Variants in POLE4 observed in about 807,000 individuals in gnomAD.
POLE4 encodes the protein DNA polymerase epsilon 4, accessory subunit.
Under a neutral mutation model 15.6 loss-of-function variants are expected in POLE4, and 15 were observed. The ratio of observed to expected loss-of-function variants is 0.96; its 90% CI spans 0.64 to 1.48. POLE4 has a LOEUF of 1.48. POLE4 is among the 40% of genes most tolerant of loss of function. The pLI, the probability that POLE4 is intolerant of heterozygous loss-of-function variation, is 0.00. For missense variants in POLE4, 205 were observed against 151.9 expected, an observed-to-expected ratio of 1.35 and a Z score of -1.84; for synonymous variants, 83 against 63.2, an observed-to-expected ratio of 1.31 and a Z score of -1.49.
At chr2:74,964,873 A>G (rs189644470) in intron 3 of POLE4, among the ~76,000 whole-genome samples, 368 of 152,130 alleles carry the variant, frequency 2.4e-3, no homozygotes, top group Non-Finnish European at 4.0e-3. Context: ...TAGAATCTCT[A>G]GTACAGTGTT....
chr2:74,958,705 G>A lies in POLE4; in HGVS notation c.26G>A (p.Ser9Asn), dbSNP rs769194941. The A allele has an allele frequency of 4.1e-6, 6 of 1,480,064 alleles. No homozygotes were observed. In the African/African-American group the frequency reaches 6.0e-5, roughly 15 times the overall value. The allele number at this position is 1,480,064 out of a possible 1,614,324, so 91.7% of individuals were successfully genotyped here. A position where few individuals can be genotyped will look rare whatever the true frequency, so the allele number is the denominator to read the frequency against. MAAAAAAG[S>N]GTPREEEGPA... is the part of the protein sequence containing the mutation. Reference sequence around the variant, plus strand: ...ATGGCGGCGGCGGCGGCGGCAGGAAGCGGGACGCCCCGAGAGGAGGAGGGA... The same window carrying A: ...ATGGCGGCGGCGGCGGCGGCAGGAAACGGGACGCCCCGAGAGGAGGAGGGA... The change falls in exon 1 of 4, where the codon AGC (serine) becomes AAC (asparagine). Residue 9 changes from serine (S) to asparagine (N), a missense_variant. Transcript: ENST00000483063.
chr2:74,962,152 C>A (rs913776385), intron 3 of POLE4, among the ~76,000 whole-genome samples: 1 of 152,160 alleles, frequency 6.6e-6, no homozygotes, highest in South Asian at 2.1e-4. Context: ...CCCCATAAAT[C>A]CCCTGCTGTC....
At chr2:74,967,049 G>A (rs912261097) in intron 3 of POLE4, among the ~76,000 whole-genome samples, 2 of 152,050 alleles carry the variant, frequency 1.3e-5, no homozygotes, top group African/African-American at 2.4e-5. Context: ...TCACTCTGAT[G>A]TACAGAGGTG....
intron 3 of POLE4, among the ~76,000 whole-genome samples, chr2:74,963,206 T>C (rs1671249359): frequency 6.6e-6 from 1 of 152,252 alleles, no homozygotes; most frequent in African/African-American, 2.4e-5. Flanking sequence ...CAGGTACTGC[T>C]GAACTTCCTG....
intron 1 of POLE4, 164 bp from the exon 2 acceptor site, chr2:74,959,177 G>C (rs1471283855): frequency 1.6e-6 from 1 of 621,252 alleles, no homozygotes; most frequent in South Asian, 2.0e-5. Flanking sequence ...TGGGAAGAGG[G>C]TAGCGGAATG....
intron 3 of POLE4, among the ~76,000 whole-genome samples, chr2:74,960,839 AG>A (rs1482523141): frequency 6.6e-6 from 1 of 152,168 alleles, no homozygotes; most frequent in African/African-American, 2.4e-5. Flanking sequence ...TTGCCCAGTG[AG>A]GTAGTGGTCA....
intron 3 of POLE4, 147 bp downstream of exon 3, chr2:74,960,293 C>T (rs1671197266): frequency 1.4e-6 from 1 of 706,426 alleles, no homozygotes; most frequent in East Asian, 2.5e-5. Flanking sequence ...AAGTAACTTG[C>T]TAAACCTAGT....
Position 74,969,467 on chromosome 2 carries a change from GTTCACCCCTC to G in POLE4, c.*47_*56del, listed in dbSNP as rs1558829748. 6.3e-7 allele frequency: 1 copy of G among 1,594,184 alleles called. No homozygotes were observed. Among genetic ancestry groups the G allele is most frequent in the African/African-American group, 1.3e-5 (1 of 74,520 alleles). Reference sequence around the variant, plus strand: ...TGTGAGCCTTCATCTGAAGCCTTCAGTTCACCCCTCTGCACAGGCCTCAGCTTTGAAGAAC... The same window carrying G: ...TGTGAGCCTTCATCTGAAGCCTTCAGTGCACAGGCCTCAGCTTTGAAGAAC... On this transcript the variant is annotated 3_prime_UTR_variant, in exon 4 of 4. Coordinates refer to ENST00000483063, the MANE Select transcript of POLE4 (RefSeq NM_019896.4).
chr2:74,969,361 C>A, intron 3 of POLE4, 48 bp from the exon 4 acceptor site: 1 of 1,595,766 alleles, frequency 6.3e-7, no homozygotes, highest in South Asian at 1.1e-5. Flanking sequence ...TTACACTAAT[C>A]CAGCTTCTGA....
intron 3 of POLE4, among the ~76,000 whole-genome samples, chr2:74,963,529 A>G (rs1028666719): frequency 1.0e-4 from 15 of 150,506 alleles, no homozygotes; most frequent in African/African-American, 2.9e-4. Context: ...TTTGACGTGG[A>G]GTCTTGCTTT....
At chr2:74,969,183 A>C (rs1337646577) in intron 3 of POLE4, among the ~76,000 whole-genome samples, 1 of 152,180 alleles carries the variant, frequency 6.6e-6, no homozygotes, top group Non-Finnish European at 1.5e-5. Flanking sequence ...TCCCACTTCT[A>C]ATTCTAGCTC....
At chr2:74,963,518 T>A (rs1457413028) in intron 3 of POLE4, among the ~76,000 whole-genome samples, 1 of 152,196 alleles carries the variant, frequency 6.6e-6, no homozygotes, top group Non-Finnish European at 1.5e-5. Flanking sequence ...TTATTTATTT[T>A]TTTGACGTGG....
In POLE4 at chr2:74,969,468, T is replaced by C. The variant is rs1671340151; in HGVS notation, c.*46T>C. On this transcript the variant is annotated 3_prime_UTR_variant, in exon 4 of 4. Coordinates refer to ENST00000483063, the MANE Select transcript of POLE4 (RefSeq NM_019896.4). ...GTGAGCCTTCATCTGAAGCCTTCAGTTCACCCCTCTGCACAGGCCTCAGCT... is the reference window on the plus strand; with the variant it reads ...GTGAGCCTTCATCTGAAGCCTTCAGCTCACCCCTCTGCACAGGCCTCAGCT... 6.3e-7 allele frequency: 1 copy of C among 1,587,636 alleles called. No individual in the cohort carries two copies.
intron 3 of POLE4, among the ~76,000 whole-genome samples, chr2:74,962,680 C>G (rs996998925): frequency 1.3e-5 from 2 of 152,168 alleles, no homozygotes; most frequent in Non-Finnish European, 1.5e-5. Flanking sequence ...TGAACACTCT[C>G]GTAACCACCA....
Position 74,960,111 on chromosome 2 carries a change from C to T in POLE4, c.305C>T (p.Ala102Val). 2 of 1,613,472 alleles carry T rather than the reference C, an allele frequency of 1.2e-6. No homozygotes were observed. ...TCTTTTCCTTGTGTTTCAGATAATG[C>T]AATAGAAGCTGTGGATGAATTTGCT... ...KTLQRRDLDNAIEAVDEFAFL... is the reference protein window; with the variant it reads ...KTLQRRDLDNVIEAVDEFAFL... Residue 102 changes from alanine to valine, a missense_variant, in exon 3 of 4, where the codon GCA (alanine) becomes GTA (valine). Transcript: ENST00000483063.
At chr2:74,960,926 C>T in intron 3 of POLE4, 1 of 235,336 alleles carries the variant, frequency 4.2e-6, no homozygotes, top group South Asian at 6.0e-5. Flanking sequence ...GTTACAGTTG[C>T]CTACAGTATT....
At chr2:74,959,949 G>A (rs1344964163) in intron 2 of POLE4, among the ~76,000 whole-genome samples, 156 bp from the exon 3 acceptor site, 1 of 152,180 alleles carries the variant, frequency 6.6e-6, no homozygotes, top group African/African-American at 2.4e-5. Context: ...AGAGTTGCTG[G>A]TAGAGTAGAT....
intron 3 of POLE4, among the ~76,000 whole-genome samples, chr2:74,963,407 C>T (rs149014662): frequency 3.1e-3 from 467 of 152,106 alleles, no homozygotes; most frequent in African/African-American, 0.01. Context: ...TATACATGCC[C>T]ATTTTTTTTT....
At chr2:74,969,274 C>T in intron 3 of POLE4, 135 bp from the exon 4 acceptor site, 5 of 799,834 alleles carry the variant, frequency 6.3e-6, no homozygotes, top group Non-Finnish European at 9.0e-6. Flanking sequence ...GATGGATCAT[C>T]CTCAAAATTA....
Sources: allele counts gnomAD v4.1 joint callset (sites outside exome capture counted in the v4.1 genomes callset), GRCh38; gene constraint gnomAD v4.1.1; transcripts MANE v1.5; gene names NCBI Gene and HGNC (gene_info 2026-07-23, HGNC 2026-07-21).